PTPRJ: variants seen among roughly 807,000 people sequenced by gnomAD.
The protein encoded by PTPRJ is protein tyrosine phosphatase receptor type J.
In PTPRJ, 129 loss-of-function variants were observed where a neutral mutation model predicts 141.3. The observed-to-expected ratio is 0.91, with a 90% confidence interval of 0.79 to 1.06. The LOEUF is 1.06. Among genes scored for constraint, PTPRJ ranks in the 50% least tolerant of loss-of-function variants. The pLI, the probability that PTPRJ is intolerant of heterozygous loss-of-function variation, is 0.00. For missense variants in PTPRJ, 1,601 were observed against 1,679.7 expected (o/e 0.95, Z 0.82); for synonymous variants, 610 against 640.5 (o/e 0.95, Z 0.72).
At chr11:48,028,151 G>C (rs1189160649) in intron 1 of PTPRJ, among the ~76,000 whole-genome samples, 1 of 152,218 alleles carries the variant, frequency 6.6e-6, no homozygotes, top group Non-Finnish European at 1.5e-5. Flanking sequence ...GGCCGTCTTG[G>C]TTTGTTGTTC....
At chr11:48,065,291 G>A (rs1855056229) in intron 1 of PTPRJ, among the ~76,000 whole-genome samples, 1 of 152,118 alleles carries the variant, frequency 6.6e-6, no homozygotes, top group African/African-American at 2.4e-5. Flanking sequence ...TGGGATTACA[G>A]ATGTGAGTCA....
intron 1 of PTPRJ, among the ~76,000 whole-genome samples, chr11:48,027,027 CG>C (rs2134219344): frequency 9.6e-6 from 1 of 104,622 alleles, no homozygotes; most frequent in East Asian, 3.2e-4. Flanking sequence ...TTTTTTGAGA[CG>C]GCGTCTCGCT....
intron 3 of PTPRJ, among the ~76,000 whole-genome samples, chr11:48,120,096 C>T (rs966633135): frequency 2.0e-5 from 3 of 152,116 alleles, no homozygotes; most frequent in African/African-American, 7.2e-5. Flanking sequence ...AAATCTTGTC[C>T]CTTGTTTATC....
intron 1 of PTPRJ, among the ~76,000 whole-genome samples, chr11:48,024,105 C>A (rs1853739503): frequency 6.6e-6 from 1 of 152,082 alleles, no homozygotes; most frequent in Admixed American, 6.6e-5. Flanking sequence ...CACTTACAGT[C>A]AGTGGCTTCA....
intron 6 of PTPRJ, among the ~76,000 whole-genome samples, chr11:48,126,775 AACACACACACACACACACACACAC>A (rs10599361): frequency 7.3e-6 from 1 of 137,146 alleles, no homozygotes; most frequent in Non-Finnish European, 1.6e-5. Flanking sequence ...AGTCTGTTGC[AACACACACACACACACACACACAC>A]ACACACACAC....
rs1434226506 is a variant in PTPRJ, at chr11:48,168,560, A to G, written c.*1198A>G. ...TATATATATATATATATATATATAT[A>G]TATATATATATATATATATATACAC... On this transcript the variant is annotated 3_prime_UTR_variant, in exon 25 of 25. Transcript: ENST00000418331. 3 of 124,384 alleles carry G rather than the reference A, an allele frequency of 2.4e-5. No homozygotes were observed. Among genetic ancestry groups the G allele is most frequent in the African/African-American group, 9.1e-5 (3 of 33,106 alleles). The allele number at this position is 124,384 out of a possible 1,614,324, so 7.7% of individuals were successfully genotyped here.
intron 1 of PTPRJ, among the ~76,000 whole-genome samples, chr11:48,079,202 T>G (rs930003556): frequency 4.6e-5 from 7 of 152,072 alleles, no homozygotes; most frequent in Non-Finnish European, 8.8e-5. Context: ...TAAGAAAGTT[T>G]ATGAATTTGT....
chr11:48,147,812 A>T (rs1343903330), intron 15 of PTPRJ, among the ~76,000 whole-genome samples: 4 of 151,046 alleles, frequency 2.6e-5, no homozygotes, highest in African/African-American at 9.7e-5. Context: ...TGTTGGAGTG[A>T]CAGGCAGAGC....
At chr11:48,138,688 G>A (rs577551818) in intron 10 of PTPRJ, among the ~76,000 whole-genome samples, 3 of 152,218 alleles carry the variant, frequency 2.0e-5, no homozygotes, top group African/African-American at 2.4e-5. Flanking sequence ...TGTGAGTAGA[G>A]AGTGTCTTGA....
chr11:47,995,301 C>T (rs185639929), intron 1 of PTPRJ, among the ~76,000 whole-genome samples: 1 of 152,172 alleles, frequency 6.6e-6, no homozygotes, highest in Non-Finnish European at 1.5e-5. Flanking sequence ...TCATTTAATC[C>T]TATGACGTAG....
At chr11:48,124,040 G>A (rs1010448874) in intron 5 of PTPRJ, among the ~76,000 whole-genome samples, 170 bp downstream of exon 5, 10 of 152,176 alleles carry the variant, frequency 6.6e-5, no homozygotes, top group South Asian at 2.1e-4. Context: ...GGAAGGAAAC[G>A]TGTTCTGATT....
intron 7 of PTPRJ, 118 bp from the exon 8 acceptor site, chr11:48,130,341 C>CAG: frequency 9.5e-7 from 1 of 1,049,696 alleles, no homozygotes; most frequent in Non-Finnish European, 1.4e-6. Context: ...ACAAAGAAGA[C>CAG]AGAGAGAGGG....
intron 23 of PTPRJ, 144 bp from the exon 24 acceptor site, chr11:48,164,236 A>G (rs528857832): frequency 1.1e-5 from 11 of 1,036,908 alleles, no homozygotes; most frequent in Middle Eastern, 6.4e-4. Flanking sequence ...TGAGGCTTCA[A>G]CTGAGCAAAT....
intron 2 of PTPRJ, among the ~76,000 whole-genome samples, chr11:48,111,936 C>T (rs1382416308): frequency 6.6e-6 from 1 of 151,904 alleles, no homozygotes; most frequent in Non-Finnish European, 1.5e-5. Flanking sequence ...AACTGACCCC[C>T]TAGAGAGTCA....
chr11:48,038,304 C>G (rs1237830373), intron 1 of PTPRJ, among the ~76,000 whole-genome samples: 2 of 152,076 alleles, frequency 1.3e-5, no homozygotes, highest in African/African-American at 4.8e-5. Context: ...AGAGTGTTGG[C>G]AGTGAAGTTG....
chr11:48,110,183 C>A, intron 2 of PTPRJ, 107 bp downstream of exon 2: 1 of 1,240,262 alleles, frequency 8.1e-7, no homozygotes, highest in South Asian at 1.4e-5. Flanking sequence ...AAAACCTGCT[C>A]GGTTTCCAAT....
At chr11:48,039,557 G>A (rs937730322) in intron 1 of PTPRJ, among the ~76,000 whole-genome samples, 2 of 151,794 alleles carry the variant, frequency 1.3e-5, no homozygotes, top group Admixed American at 1.3e-4. Flanking sequence ...GCACGTGTGT[G>A]GCCTTTATTG....
intron 24 of PTPRJ, among the ~76,000 whole-genome samples, chr11:48,166,502 C>CAT (rs1461905609): frequency 6.6e-6 from 1 of 150,940 alleles, no homozygotes; most frequent in Non-Finnish European, 1.5e-5. Context: ...TTAGTAGAGA[C>CAT]GGGGTTTCAC....
intron 1 of PTPRJ, among the ~76,000 whole-genome samples, chr11:48,027,822 A>G (rs1420321346): frequency 7.3e-6 from 1 of 136,436 alleles, no homozygotes; most frequent in South Asian, 2.2e-4. Context: ...AAAAAAAAAA[A>G]TCTTCAGTGC....
Sources: allele counts gnomAD v4.1 joint callset (sites outside exome capture counted in the v4.1 genomes callset), GRCh38; gene constraint gnomAD v4.1.1; transcripts MANE v1.5; gene names NCBI Gene and HGNC (gene_info 2026-07-23, HGNC 2026-07-21).